Variants in ANKS1B observed in about 807,000 individuals in gnomAD.
The protein encoded by ANKS1B is ankyrin repeat and sterile alpha motif domain containing 1B.
Under a neutral mutation model 148.3 loss-of-function variants are expected in ANKS1B, and 36 were observed. That is an observed-to-expected ratio of 0.24 (90% CI 0.19 to 0.32). The LOEUF (loss-of-function observed/expected upper bound fraction) is 0.32. Ranked by LOEUF, ANKS1B falls within the 10% of genes least tolerant of loss-of-function variation. The pLI is 1.00. For missense variants in ANKS1B, 1,157 were observed against 1,542.6 expected (o/e 0.75, Z 4.19); for synonymous variants, 542 against 560.8 (o/e 0.97, Z 0.47).
Position 98,744,999 on chromosome 12 carries a change from C to A in ANKS1B, c.*740G>T. 1 of 985,704 alleles carries A rather than the reference C, an allele frequency of 1.0e-6. No homozygotes were observed. The highest frequency in any genetic ancestry group is 1.2e-6 in the Non-Finnish European group (1 of 829,844). The allele number at this position is 985,704 out of a possible 1,614,324, so 61.1% of individuals were successfully genotyped here. A position where few individuals can be genotyped will look rare whatever the true frequency, so the allele number is the denominator to read the frequency against. On this transcript the variant is annotated 3_prime_UTR_variant, in exon 27 of 27. Transcript: ENST00000683438. ...ACCAGAAACATCCCTCGCAACTAAC[C>A]TAGTTTTCTTATCAATGCATTAATG... is the stretch of plus-strand genomic sequence containing the variant.
At chr12:99,855,004 G>C (rs1287763394) in intron 1 of ANKS1B, among the ~76,000 whole-genome samples, 2 of 151,646 alleles carry the variant, frequency 1.3e-5, no homozygotes, top group African/African-American at 2.4e-5. Flanking sequence ...AAAAAACCCA[G>C]GTATTCAGGC....
At chr12:99,290,810 A>G (rs1406464061) in intron 12 of ANKS1B, among the ~76,000 whole-genome samples, 1 of 152,130 alleles carries the variant, frequency 6.6e-6, no homozygotes, top group African/African-American at 2.4e-5. Flanking sequence ...ACTCACAGCT[A>G]GTATAATACT....
chr12:99,182,944 C>T (rs2019927), intron 14 of ANKS1B, among the ~76,000 whole-genome samples: 1,677 of 152,146 alleles, frequency 0.011, 33 homozygotes, highest in African/African-American at 0.038. Flanking sequence ...TGTCTCTTTG[C>T]CATATATATG....
intron 12 of ANKS1B, among the ~76,000 whole-genome samples, chr12:99,252,314 G>C (rs1253051821): frequency 6.6e-6 from 1 of 152,154 alleles, no homozygotes; most frequent in Non-Finnish European, 1.5e-5. Flanking sequence ...GTAGGAATAG[G>C]GTTGGGGTGA....
At chr12:99,137,654 T>A (rs918434524) in intron 15 of ANKS1B, among the ~76,000 whole-genome samples, 3 of 152,266 alleles carry the variant, frequency 2.0e-5, no homozygotes, top group African/African-American at 7.2e-5. Flanking sequence ...ATTTCCTCTT[T>A]TCATTTTTTT....
intron 24 of ANKS1B, among the ~76,000 whole-genome samples, chr12:98,777,557 G>A (rs778674746): frequency 6.6e-6 from 1 of 152,180 alleles, no homozygotes; most frequent in African/African-American, 2.4e-5. Flanking sequence ...CCCCCAGGCC[G>A]AATTCCCTGC....
At chr12:98,745,896 T>G (rs758824713) in intron 26 of ANKS1B, 47 bp from the exon 27 acceptor site, 18 of 1,576,688 alleles carry the variant, frequency 1.1e-5, no homozygotes, top group Middle Eastern at 3.4e-4. Context: ...GCCGCGCGGG[T>G]GCGCGCATGC....
intron 14 of ANKS1B, among the ~76,000 whole-genome samples, chr12:99,241,621 C>T (rs1019703201): frequency 5.9e-5 from 9 of 152,294 alleles, no homozygotes; most frequent in African/African-American, 2.2e-4. Context: ...GCCAATATCC[C>T]TGATGAACAT....
At chr12:99,154,511 A>G in intron 14 of ANKS1B, 116 bp from the exon 15 acceptor site, 4 of 1,605,864 alleles carry the variant, frequency 2.5e-6, no homozygotes, top group Non-Finnish European at 3.4e-6. Context: ...GAAAGTTGCT[A>G]TCAAAGGAGC....
At chr12:99,286,659 G>C in intron 12 of ANKS1B, among the ~76,000 whole-genome samples, 1 of 152,062 alleles carries the variant, frequency 6.6e-6, no homozygotes, top group Non-Finnish European at 1.5e-5. Flanking sequence ...TCCATCCTGG[G>C]CCAGAGTGAA....
At position 98,781,360 on chromosome 12, in the gene ANKS1B, A is replaced by G. The variant is rs77257899; in HGVS notation, c.3355-157T>C. 2,328 of 682,434 alleles carry G rather than the reference A, an allele frequency of 3.4e-3. 44 individuals are homozygous for G. In the African/African-American group the frequency reaches 0.035, roughly 10 times the overall value. 42.3% of individuals were successfully genotyped at this position (682,434 alleles called of 1,614,324 possible). A position where few individuals can be genotyped will look rare whatever the true frequency, so the allele number is the denominator to read the frequency against. ...CACACACATCAGATACACACCACGC[A>G]CACTCTAATTTTAATGTCTGCCTCT... On this transcript the variant is annotated intron_variant, in intron 23 of 26. Transcript: ENST00000683438.
intron 12 of ANKS1B, among the ~76,000 whole-genome samples, chr12:99,348,708 AT>A (rs1272115100): frequency 6.6e-6 from 1 of 151,940 alleles, no homozygotes; most frequent in Non-Finnish European, 1.5e-5. Flanking sequence ...TCCTTTAAAG[AT>A]GAAGGAGAAA....
intron 8 of ANKS1B, among the ~76,000 whole-genome samples, chr12:99,754,294 TAAG>T (rs2061376075): frequency 6.6e-6 from 1 of 151,990 alleles, no homozygotes; most frequent in Non-Finnish European, 1.5e-5. Flanking sequence ...AGGGTTCAAT[TAAG>T]AAGATCTAAC....
chr12:98,955,675 A>G (rs2099861012), intron 17 of ANKS1B, among the ~76,000 whole-genome samples: 1 of 152,180 alleles, frequency 6.6e-6, no homozygotes, highest in Non-Finnish European at 1.5e-5. Context: ...TGAGAGACAG[A>G]GAGGCATCCA....
intron 11 of ANKS1B, among the ~76,000 whole-genome samples, chr12:99,437,139 T>G (rs1456341402): frequency 6.6e-6 from 1 of 152,008 alleles, no homozygotes; most frequent in Non-Finnish European, 1.5e-5. Context: ...GGTTTCCACC[T>G]TGGTTGGGTT....
chr12:99,297,120 T>C (rs981045151), intron 12 of ANKS1B, among the ~76,000 whole-genome samples: 1 of 152,162 alleles, frequency 6.6e-6, no homozygotes, highest in Non-Finnish European at 1.5e-5. Context: ...AATAAAATCT[T>C]TCCCCAAACA....
intron 17 of ANKS1B, 130 bp from the exon 18 acceptor site, chr12:98,832,266 A>C: frequency 1.4e-6 from 1 of 695,728 alleles, no homozygotes. Context: ...GTGTCACTTC[A>C]GTGTGACCGC....
intron 17 of ANKS1B, among the ~76,000 whole-genome samples, chr12:98,858,181 C>T (rs1427942823): frequency 2.6e-5 from 4 of 152,138 alleles, no homozygotes; most frequent in Non-Finnish European, 4.4e-5. Context: ...CTGGTGCTCT[C>T]CATAAGCAAA....
chr12:99,902,121 TAA>T (rs747940779), intron 1 of ANKS1B, among the ~76,000 whole-genome samples: 46 of 152,212 alleles, frequency 3.0e-4, no homozygotes, highest in Non-Finnish European at 5.9e-5. Flanking sequence ...GAGAAGATAG[TAA>T]AAGAGTGATT....
Sources: gnomAD v4.1 joint callset for allele counts (sites outside exome capture counted in the v4.1 genomes callset) on GRCh38, gnomAD v4.1.1 for gene constraint, MANE v1.5 for transcripts, NCBI Gene and HGNC (gene_info 2026-07-23, HGNC 2026-07-21) for gene names.